PTPRD: variants seen among roughly 807,000 people sequenced by gnomAD.
PTPRD encodes protein tyrosine phosphatase receptor type D, also known as receptor-type tyrosine-protein phosphatase delta.
Under a neutral mutation model 214.5 loss-of-function variants are expected in PTPRD, and 34 were observed. The observed-to-expected ratio is 0.16, with a 90% CI of 0.12 to 0.21. PTPRD has a LOEUF of 0.21. Among genes scored for constraint, PTPRD ranks in the 10% least tolerant of loss-of-function variants. PTPRD has a pLI of 1.00. For missense variants in PTPRD, 2,545 were observed against 2,398.7 expected (o/e 1.06, Z -1.27); for synonymous variants, 1,128 against 845.7 (o/e 1.33, Z -5.79).
chr9:9,443,643 AG>A (rs1001754314), intron 8 of PTPRD, among the ~76,000 whole-genome samples: 9 of 152,136 alleles, frequency 5.9e-5, no homozygotes, highest in African/African-American at 2.2e-4. Context: ...CACATAGAGA[AG>A]GGGGTAGCTC....
intron 35 of PTPRD, among the ~76,000 whole-genome samples, chr9:8,425,936 A>G (rs2094635395): frequency 6.6e-6 from 1 of 152,216 alleles, no homozygotes; most frequent in African/African-American, 2.4e-5. Flanking sequence ...GATATTATGT[A>G]CAAAATATGA....
intron 10 of PTPRD, among the ~76,000 whole-genome samples, chr9:9,042,884 T>G (rs1156938881): frequency 6.6e-6 from 1 of 152,132 alleles, no homozygotes; most frequent in Non-Finnish European, 1.5e-5. Context: ...GTAGCTGCAG[T>G]ATCTGGTCTG....
At chr9:9,617,149 T>C (rs1593150505) in intron 7 of PTPRD, among the ~76,000 whole-genome samples, 2 of 152,314 alleles carry the variant, frequency 1.3e-5, no homozygotes, top group African/African-American at 2.4e-5. Context: ...GGGAGTTTTA[T>C]ATTTTTATTT....
chr9:8,388,982 C>CT (rs34248103), intron 37 of PTPRD, among the ~76,000 whole-genome samples: 2,486 of 130,058 alleles, frequency 0.019, 35 homozygotes, highest in Non-Finnish European at 0.028. Context: ...GTGAATATTC[C>CT]TTTTTTTTTT....
chr9:8,531,654 T>C (rs550257745), intron 14 of PTPRD, among the ~76,000 whole-genome samples: 5 of 152,114 alleles, frequency 3.3e-5, no homozygotes, highest in Non-Finnish European at 7.4e-5. Context: ...TAGGACACTG[T>C]ATCTCTCCCA....
intron 14 of PTPRD, among the ~76,000 whole-genome samples, chr9:8,586,915 A>C (rs924462752): frequency 2.0e-5 from 3 of 152,238 alleles, no homozygotes; most frequent in Non-Finnish European, 2.9e-5. Context: ...TGGGAGACTG[A>C]GGTGGGCGGA....
intron 9 of PTPRD, among the ~76,000 whole-genome samples, chr9:9,318,693 T>C (rs1362262351): frequency 1.3e-5 from 2 of 152,208 alleles, no homozygotes; most frequent in Admixed American, 6.5e-5. Context: ...AATTATAGCC[T>C]ATGTTTTTTA....
intron 2 of PTPRD, among the ~76,000 whole-genome samples, chr9:10,486,946 T>G (rs893298230): frequency 6.6e-6 from 1 of 152,236 alleles, no homozygotes; most frequent in Non-Finnish European, 1.5e-5. Flanking sequence ...ACATCTCTAT[T>G]TAGCTCTAAT....
At chr9:8,566,098 A>ATGTGTGTGTGTGTGTGTGTG (rs1491211691) in intron 14 of PTPRD, among the ~76,000 whole-genome samples, 2 of 46,152 alleles carry the variant, frequency 4.3e-5, no homozygotes, top group Admixed American at 2.7e-4. Context: ...TGAATGCAAA[A>ATGTGTGTGTGTGTGTGTGTG]TATGTGTGTG....
chr9:8,480,864 G>A (rs1417265172), intron 30 of PTPRD, among the ~76,000 whole-genome samples: 2 of 152,092 alleles, frequency 1.3e-5, no homozygotes, highest in Non-Finnish European at 2.9e-5. Context: ...AGAAGGGCCG[G>A]GCGCCGTGGC....
chr9:8,448,085 G>A (rs1240186691), intron 34 of PTPRD, among the ~76,000 whole-genome samples: 3 of 152,092 alleles, frequency 2.0e-5, no homozygotes, highest in Non-Finnish European at 4.4e-5. Flanking sequence ...AGCCCTTTGG[G>A]AGGCTGAGGC....
At chr9:8,927,913 C>G (rs202209621) in intron 11 of PTPRD, among the ~76,000 whole-genome samples, 1 of 152,074 alleles carries the variant, frequency 6.6e-6, no homozygotes, top group African/African-American at 2.4e-5. Flanking sequence ...ACTGGCATGA[C>G]ATGGTATCTC....
chr9:9,339,075 T>C (rs555663443), intron 9 of PTPRD, among the ~76,000 whole-genome samples: 1 of 152,304 alleles, frequency 6.6e-6, no homozygotes, highest in South Asian at 2.1e-4. Context: ...ATCTTGTCAG[T>C]TGCCAGTGCC....
chr9:9,388,113 G>A (rs1195804585), intron 9 of PTPRD, among the ~76,000 whole-genome samples: 1 of 152,086 alleles, frequency 6.6e-6, no homozygotes, highest in Non-Finnish European at 1.5e-5. Flanking sequence ...CAGCAGATGG[G>A]GGAGCCAGAA....
At chr9:9,006,904 A>T (rs1236377134) in intron 11 of PTPRD, among the ~76,000 whole-genome samples, 1 of 152,084 alleles carries the variant, frequency 6.6e-6, no homozygotes, top group Non-Finnish European at 1.5e-5. Flanking sequence ...CATTTAATAC[A>T]GCTAGATAAA....
chr9:8,776,114 C>G (rs981263145), intron 11 of PTPRD, among the ~76,000 whole-genome samples: 2 of 152,064 alleles, frequency 1.3e-5, no homozygotes, highest in African/African-American at 4.8e-5. Context: ...CATAGAATTT[C>G]CTTGGCTCAA....
At chr9:10,588,630 C>G (rs966289571) in intron 2 of PTPRD, among the ~76,000 whole-genome samples, 10 of 151,886 alleles carry the variant, frequency 6.6e-5, no homozygotes, top group African/African-American at 2.4e-4. Flanking sequence ...AAGACTATTG[C>G]TCAGTATTTT....
At chr9:9,285,144 T>C (rs960124474) in intron 9 of PTPRD, among the ~76,000 whole-genome samples, 1 of 151,854 alleles carries the variant, frequency 6.6e-6, no homozygotes, top group African/African-American at 2.4e-5. Context: ...AATAACATTG[T>C]GTATTCTTTT....
At position 9,495,915 on chromosome 9, in the gene PTPRD, C is replaced by T. The variant is rs1216541512; in HGVS notation, c.-237+78817G>A. The stretch of plus-strand genomic sequence containing the variant: ...GAAACCAACAGAACACTGTAACACC[C>T]CTTGTGGGGCTTTGGGGTAGCAGGC... On this transcript the variant is annotated intron_variant, in intron 8 of 45. Transcript: ENST00000381196. Among the ~76,000 whole-genome samples, 5 of 152,270 alleles carry T rather than the reference C, an allele frequency of 3.3e-5. No homozygotes were observed. In the East Asian group the frequency reaches 7.7e-4, roughly 24 times the overall value.
Sources: gnomAD v4.1 joint callset for allele counts (sites outside exome capture counted in the v4.1 genomes callset) on GRCh38, gnomAD v4.1.1 for gene constraint, MANE v1.5 for transcripts, NCBI Gene and HGNC (gene_info 2026-07-23, HGNC 2026-07-21) for gene names.